Variants in RAD51B observed in about 807,000 individuals in gnomAD.
RAD51B encodes RAD51 paralog B.
A neutral mutation model predicts 42.2 loss-of-function variants in RAD51B; 38 were observed. That is an observed-to-expected ratio of 0.90 (90% confidence interval 0.70 to 1.18). The LOEUF (loss-of-function observed/expected upper bound fraction) is 1.18. Ranked by LOEUF, RAD51B falls within the 50% of genes most tolerant of loss-of-function variation. The pLI, the probability that RAD51B is intolerant of heterozygous loss-of-function variation, is 0.00. For missense variants in RAD51B, 373 were observed against 400.7 expected (o/e 0.93, Z 0.59); for synonymous variants, 154 against 145.2 (o/e 1.06, Z -0.43).
At chr14:68,453,822 T>A (rs73278333) in intron 9 of RAD51B, among the ~76,000 whole-genome samples, 2,275 of 152,314 alleles carry the variant, frequency 0.015, 60 homozygotes, top group African/African-American at 0.052. Context: ...TTTAACTGTA[T>A]TTTTAGTAAA....
At chr14:68,120,208 T>G (rs1443531776) in intron 7 of RAD51B, among the ~76,000 whole-genome samples, 1 of 152,108 alleles carries the variant, frequency 6.6e-6, no homozygotes, top group Non-Finnish European at 1.5e-5. Context: ...CATTGTAGAT[T>G]CTGGATATTA....
In RAD51B at chr14:68,512,032, C is replaced by T. The variant is rs180774819; in HGVS notation, c.1036+43782C>T. On this transcript the variant is annotated intron_variant, in intron 10 of 10. Transcript: ENST00000487270. Reference sequence around the variant, plus strand: ...TACATTAAAGAAGGAAAGGACTTTTCCCCCCAAAATCTAGGTTTGGGGAAA... The same window carrying T: ...TACATTAAAGAAGGAAAGGACTTTTTCCCCCAAAATCTAGGTTTGGGGAAA... Among the ~76,000 whole-genome samples the T allele has an allele frequency of 5.3e-5, 8 of 152,306 alleles. No individual in the cohort carries two copies. The East Asian group carries it at 1.3e-3, about 26-fold the overall frequency.
At chr14:68,200,451 A>C (rs182809699) in intron 7 of RAD51B, among the ~76,000 whole-genome samples, 11 of 152,376 alleles carry the variant, frequency 7.2e-5, no homozygotes, top group African/African-American at 2.6e-4. Flanking sequence ...AAAAATGTGC[A>C]TAACATTTTA....
chr14:67,951,328 T>A (rs918136695), intron 7 of RAD51B, among the ~76,000 whole-genome samples: 1 of 152,238 alleles, frequency 6.6e-6, no homozygotes, highest in Non-Finnish European at 1.5e-5. Flanking sequence ...TTATTGTTAA[T>A]GGGCTTTGAG....
At chr14:68,255,072 C>T (rs2080724304) in intron 7 of RAD51B, among the ~76,000 whole-genome samples, 1 of 152,112 alleles carries the variant, frequency 6.6e-6, no homozygotes, top group Non-Finnish European at 1.5e-5. Flanking sequence ...CTTTCTTTCA[C>T]ATGCTCCCTT....
At chr14:68,438,483 A>G (rs570427504) in intron 9 of RAD51B, among the ~76,000 whole-genome samples, 31 of 152,290 alleles carry the variant, frequency 2.0e-4, no homozygotes, top group Non-Finnish European at 3.2e-4. Context: ...TTTCCTGCTT[A>G]CGTGGACAGT....
At chr14:68,298,346 A>T (rs967045863) in intron 8 of RAD51B, among the ~76,000 whole-genome samples, 1 of 152,208 alleles carries the variant, frequency 6.6e-6, no homozygotes, top group Non-Finnish European at 1.5e-5. Context: ...GAAAGGGAAC[A>T]TTAAAGTCAA....
chr14:68,331,330 T>C (rs2082342696), intron 8 of RAD51B, among the ~76,000 whole-genome samples: 1 of 112,360 alleles, frequency 8.9e-6, no homozygotes, highest in African/African-American at 3.1e-5. Context: ...ATCATGCCAC[T>C]GCACTCCAGC....
At chr14:67,900,092 G>A (rs908980873) in intron 7 of RAD51B, among the ~76,000 whole-genome samples, 7 of 152,098 alleles carry the variant, frequency 4.6e-5, no homozygotes, top group Non-Finnish European at 8.8e-5. Flanking sequence ...TTTGATTGCT[G>A]CTTGTAAGTG....
At chr14:67,937,636 G>A (rs1354906226) in intron 7 of RAD51B, among the ~76,000 whole-genome samples, 1 of 152,166 alleles carries the variant, frequency 6.6e-6, no homozygotes, top group Non-Finnish European at 1.5e-5. Context: ...GAATGGAGGT[G>A]CTCCCCATTA....
intron 10 of RAD51B, among the ~76,000 whole-genome samples, chr14:68,646,401 C>T (rs914155237): frequency 2.6e-5 from 4 of 152,278 alleles, no homozygotes; most frequent in Admixed American, 6.5e-5. Context: ...ATGTAAACTA[C>T]GTGTCTGTCC....
chr14:68,354,927 A>G (rs560967913), intron 8 of RAD51B, among the ~76,000 whole-genome samples: 1 of 152,250 alleles, frequency 6.6e-6, no homozygotes, highest in East Asian at 1.9e-4. Context: ...TCTTGGCCTC[A>G]TTGTGACTCG....
intron 7 of RAD51B, among the ~76,000 whole-genome samples, chr14:68,143,628 T>G (rs1283518971): frequency 6.6e-6 from 1 of 152,192 alleles, no homozygotes; most frequent in Non-Finnish European, 1.5e-5. Context: ...AGGAAAATTG[T>G]CTCTCTCCCT....
chr14:68,193,776 C>T (rs1304786173), intron 7 of RAD51B, among the ~76,000 whole-genome samples: 1 of 152,200 alleles, frequency 6.6e-6, no homozygotes, highest in African/African-American at 2.4e-5. Context: ...TGGGAACAAG[C>T]TTTTCTGATT....
chr14:68,225,800 CCT>C (rs1490672075), intron 7 of RAD51B, among the ~76,000 whole-genome samples: 1 of 152,144 alleles, frequency 6.6e-6, no homozygotes, highest in Non-Finnish European at 1.5e-5. Context: ...GTGTTTTCTG[CCT>C]CACCTGAGGA....
chr14:68,015,816 T>G (rs2075770099), intron 7 of RAD51B, among the ~76,000 whole-genome samples: 2 of 152,164 alleles, frequency 1.3e-5, no homozygotes, highest in Non-Finnish European at 2.9e-5. Context: ...AGGACAAAAT[T>G]TTTGATAGCC....
At chr14:67,863,465 T>G (rs1418878905) in intron 4 of RAD51B, among the ~76,000 whole-genome samples, 1 of 152,182 alleles carries the variant, frequency 6.6e-6, no homozygotes, top group African/African-American at 2.4e-5. Flanking sequence ...ATTCTGATGC[T>G]CACTCAAATC....
chr14:68,308,792 T>C (rs948756781), intron 8 of RAD51B, among the ~76,000 whole-genome samples: 3 of 151,860 alleles, frequency 2.0e-5, no homozygotes, highest in African/African-American at 7.3e-5. Flanking sequence ...ACTGTTTAGC[T>C]TTCTGCCACC....
intron 7 of RAD51B, among the ~76,000 whole-genome samples, chr14:68,123,155 C>G (rs1440800574): frequency 6.6e-6 from 1 of 151,104 alleles, no homozygotes; most frequent in Admixed American, 6.6e-5. Context: ...ATATAAATGT[C>G]AGGAATGATC....
Sources: allele counts gnomAD v4.1 joint callset (sites outside exome capture counted in the v4.1 genomes callset), GRCh38; gene constraint gnomAD v4.1.1; transcripts MANE v1.5; gene names NCBI Gene and HGNC (gene_info 2026-07-23, HGNC 2026-07-21).